PRSS37: variants seen among roughly 807,000 people sequenced by gnomAD.
PRSS37 encodes probable inactive serine protease 37.
Under a neutral mutation model 28.0 loss-of-function variants are expected in PRSS37, and 25 were observed. That is an observed-to-expected ratio of 0.89 (90% CI 0.65 to 1.25). PRSS37 has a LOEUF of 1.25. Among genes scored for constraint, PRSS37 ranks in the 50% most tolerant of loss-of-function variants. PRSS37 has a pLI of 0.00. For missense variants in PRSS37, 282 were observed against 292.2 expected (o/e 0.97, Z 0.25); for synonymous variants, 109 against 107.8 (o/e 1.01, Z -0.07).
intron 2 of PRSS37, chr7:141,839,096 T>C (rs1046584004): frequency 1.1e-5 from 7 of 633,800 alleles, no homozygotes; most frequent in African/African-American, 3.7e-5. Context: ...GCACTATTGC[T>C]GTTCTGGGCT....
At position 141,836,392 on chromosome 7, in the gene PRSS37, G is replaced by T. The variant is rs1453315371; in HGVS notation, c.*3C>A. 6.2e-7 allele frequency: 1 copy of T among 1,613,708 alleles called. No homozygotes were observed. ...AGTGGAATGCAGAGGGAGAAGTAGG[G>T]TCTCACTTGTCCTTAGCAGTGTTCT... On this transcript the variant is annotated 3_prime_UTR_variant, in exon 5 of 5. Coordinates refer to ENST00000350549, the MANE Select transcript of PRSS37 (RefSeq NM_001008270.3).
At chr7:141,838,781 T>C in intron 2 of PRSS37, 1 of 336,078 alleles carries the variant, frequency 3.0e-6, no homozygotes, top group South Asian at 2.5e-5. Flanking sequence ...TATCTCTCCT[T>C]GCCTCCTTTG....
At chr7:141,839,236 C>T (rs753203511) in intron 2 of PRSS37, 102 bp downstream of exon 2, 36 of 1,221,154 alleles carry the variant, frequency 2.9e-5, no homozygotes, top group Non-Finnish European at 4.2e-5. Flanking sequence ...TATCTTCAGA[C>T]ATTGCCAAGT....
Position 141,837,922 on chromosome 7 carries a change from G to A in PRSS37, c.368C>T (p.Thr123Ile), listed in dbSNP as rs745666367. The change falls in exon 3 of 5, where the codon ACC (threonine) becomes ATC (isoleucine). Residue 123 changes from threonine (T) to isoleucine (I), a missense_variant. Thr to Ile is a moderately conservative substitution (Grantham distance 89, BLOSUM62 -1). Transcript: ENST00000350549. ...PKVQPLTLATTNVRPGTVCLL... is the reference protein window; with the variant it reads ...PKVQPLTLATINVRPGTVCLL... ...ACAGACAGTGCCTGGCCTGACATTG[G>A]TGGTGGCGAGGGTAAGGGGCTGGAC... 2 of 1,614,138 alleles carry A rather than the reference G, an allele frequency of 1.2e-6. No individual in the cohort carries two copies. The highest frequency in any genetic ancestry group is 8.5e-7 in the Non-Finnish European group (1 of 1,180,020).
intron 1 of PRSS37, 124 bp from the exon 2 acceptor site, chr7:141,839,603 T>TC (rs1801092032): frequency 1.6e-6 from 1 of 632,184 alleles, no homozygotes; most frequent in Non-Finnish European, 2.7e-6. Flanking sequence ...TGTTAACGTA[T>TC]TTGACATGTT....
Position 141,837,848 on chromosome 7 carries a change from AG to A in PRSS37, c.430+11del, listed in dbSNP as rs1563051809. 3 of 1,603,564 alleles carry A rather than the reference AG, an allele frequency of 1.9e-6. No individual in the cohort carries two copies. Among genetic ancestry groups the A allele is most frequent in the Non-Finnish European group, 2.6e-6 (3 of 1,173,200 alleles). On this transcript the variant is annotated intron_variant, in intron 3 of 4. Transcript: ENST00000350549. ...ACTGATGACCCTGATTTGCTGTGGA[AG>A]GCACACTTACCACTGTTTTCTTGGC...
intron 2 of PRSS37, 118 bp from the exon 3 acceptor site, chr7:141,838,231 C>G: frequency 2.0e-6 from 3 of 1,526,028 alleles, no homozygotes; most frequent in Non-Finnish European, 2.7e-6. Flanking sequence ...TGTCATTTAA[C>G]TCACAACAAG....
chr7:141,838,436 A>G lies in PRSS37; in HGVS notation c.177-323T>C, dbSNP rs1363324840. ...ATTTTCTCGCCTATCTAACTGAACA[A>G]TGTCCATTTTGGTGGAGACCAGAGA... On this transcript the variant is annotated intron_variant, in intron 2 of 4. Coordinates refer to ENST00000350549, the MANE Select transcript of PRSS37 (RefSeq NM_001008270.3). The G allele has an allele frequency of 5.7e-5, 68 of 1,200,496 alleles. 1 individual carries two copies. In the South Asian group the frequency reaches 1.1e-3, roughly 20 times the overall value. The allele number at this position is 1,200,496 out of a possible 1,614,324, so 74.4% of individuals were successfully genotyped here. A position where few individuals can be genotyped will look rare whatever the true frequency, so the allele number is the denominator to read the frequency against.
In PRSS37 at chr7:141,840,260, C is replaced by G. The variant is rs149335193; in HGVS notation, c.34+756G>C. Among the ~76,000 whole-genome samples, 413 of 152,154 alleles carry G rather than the reference C, an allele frequency of 2.7e-3. 2 individuals are homozygous for G. The highest frequency in any genetic ancestry group is 9.1e-3 in the African/African-American group (376 of 41,518). ...GTTTTTATAAATGAATTATTTAAAACATACCCTAGAGAATAAAGGGGAGGA... is the reference window on the plus strand; with the variant it reads ...GTTTTTATAAATGAATTATTTAAAAGATACCCTAGAGAATAAAGGGGAGGA... On this transcript the variant is annotated intron_variant, in intron 1 of 4. Coordinates refer to ENST00000350549, the MANE Select transcript of PRSS37 (RefSeq NM_001008270.3).
intron 2 of PRSS37, chr7:141,839,027 A>G (rs965010881): frequency 3.8e-6 from 2 of 521,608 alleles, no homozygotes; most frequent in South Asian, 3.1e-5. Flanking sequence ...AAAAAAAAAG[A>G]AAAAAACTTA....
intron 1 of PRSS37, among the ~76,000 whole-genome samples, chr7:141,840,367 G>A (rs962865914): frequency 2.0e-5 from 3 of 152,084 alleles, no homozygotes; most frequent in African/African-American, 7.2e-5. Context: ...CCCAAGACTG[G>A]GTCTGTACCT....
rs746899422 is a variant in PRSS37, at chr7:141,837,902, C to G, written c.388G>C (p.Val130Leu). ...LATTNVRPGT[V>L]CLLSGLDWSQ... ...CAGTCCAAACCTGAGAGTAGACAGA[C>G]AGTGCCTGGCCTGACATTGGTGGTG... Residue 130 changes from valine to leucine, a missense_variant, in exon 3 of 5, where the codon GTC becomes CTC. Val to Leu is a conservative substitution (Grantham distance 32). Transcript: ENST00000350549. The G allele has an allele frequency of 5.0e-6, 8 of 1,613,834 alleles. No homozygotes were observed. The highest frequency in any genetic ancestry group is 6.8e-6 in the Non-Finnish European group (8 of 1,179,922).
intron 4 of PRSS37, 24 bp downstream of exon 4, chr7:141,837,088 A>G (rs1800984399): frequency 1.2e-6 from 2 of 1,608,172 alleles, no homozygotes; most frequent in African/African-American, 2.7e-5. Flanking sequence ...AGTAAATGAA[A>G]GCTGAATATA....
intron 3 of PRSS37, 54 bp from the exon 4 acceptor site, chr7:141,837,302 C>G: frequency 6.5e-7 from 1 of 1,540,658 alleles, no homozygotes; most frequent in Non-Finnish European, 8.7e-7. Context: ...TTATTTTAGT[C>G]CTTCTGACCA....
chr7:141,837,592 A>G, intron 3 of PRSS37: 2 of 1,508,152 alleles, frequency 1.3e-6, no homozygotes, highest in African/African-American at 1.4e-5. Flanking sequence ...TCTGCCAATC[A>G]GGAATGGCTG....
intron 3 of PRSS37, 82 bp downstream of exon 3, chr7:141,837,778 C>T: frequency 1.3e-6 from 2 of 1,558,022 alleles, no homozygotes; most frequent in East Asian, 2.3e-5. Context: ...CTTTCCTCCT[C>T]TCTCCTCACA....
At position 141,839,388 on chromosome 7, in the gene PRSS37, G is replaced by A. The variant is rs145487049; in HGVS notation, c.126C>T (p.Gly42=). The A allele has an allele frequency of 4.3e-4, 688 of 1,613,762 alleles. 1 individual carries two copies. Among genetic ancestry groups the A allele is most frequent in the Middle Eastern group, 1.7e-3 (10 of 6,054 alleles). The change falls in exon 2 of 5, where the codon GGC becomes GGT. Residue 42 remains glycine, a synonymous_variant. Transcript: ENST00000350549. ...GCACCCAGCTGGGTTTGATGAGGAC[G>A]CCCACACAGGGGTTGAAGTGAGACT... The part of the protein sequence containing the change: ...YLKSHFNPCV[G]VLIKPSWVLA...
At chr7:141,839,127 G>T in intron 2 of PRSS37, 1 of 641,432 alleles carries the variant, frequency 1.6e-6, no homozygotes. Flanking sequence ...TTATTGTGGG[G>T]ACTGTGCTGT....
intron 1 of PRSS37, among the ~76,000 whole-genome samples, chr7:141,839,706 G>A (rs928086595): frequency 4.6e-5 from 7 of 152,034 alleles, no homozygotes; most frequent in African/African-American, 1.7e-4. Context: ...ATCTAAGAGA[G>A]TATAATGAGA....
Sources: allele counts gnomAD v4.1 joint callset (sites outside exome capture counted in the v4.1 genomes callset), GRCh38; gene constraint gnomAD v4.1.1; transcripts MANE v1.5; gene names NCBI Gene and HGNC (gene_info 2026-07-23, HGNC 2026-07-21).